Variants in GOT2 observed in about 807,000 individuals in gnomAD.
GOT2 encodes glutamic-oxaloacetic transaminase 2, also known as aspartate aminotransferase, mitochondrial.
GOT2 carries 17 observed loss-of-function variants against 50.0 expected under a neutral mutation model. That is an observed-to-expected ratio of 0.34 (90% CI 0.23 to 0.51). The LOEUF (loss-of-function observed/expected upper bound fraction) is 0.51. GOT2 is among the 20% of genes least tolerant of loss of function. The probability of loss-of-function intolerance (pLI) is 0.97; values close to 1 mark genes in which losing one functional copy is unlikely to be tolerated. For missense variants in GOT2, 430 were observed against 559.6 expected (o/e 0.77, Z 2.34); for synonymous variants, 172 against 204.9 (o/e 0.84, Z 1.37).
chr16:58,725,110 TTC>T (rs1396484885), intron 1 of GOT2, among the ~76,000 whole-genome samples: 5 of 71,846 alleles, frequency 7.0e-5, no homozygotes, highest in South Asian at 3.8e-4. Flanking sequence ...ATTTCTTTCT[TTC>T]TTTTTTTTTT....
chr16:58,720,459 A>G (rs1193046551), intron 3 of GOT2, among the ~76,000 whole-genome samples: 3 of 152,200 alleles, frequency 2.0e-5, no homozygotes, highest in Non-Finnish European at 4.4e-5. Flanking sequence ...TAGTAGATTA[A>G]AGAGGGAAAA....
At chr16:58,727,367 G>T (rs1016747141) in intron 1 of GOT2, among the ~76,000 whole-genome samples, 19 of 148,102 alleles carry the variant, frequency 1.3e-4, no homozygotes, top group Non-Finnish European at 2.2e-4. Flanking sequence ...AATATAAAAG[G>T]TTTTTTTTTT....
intron 6 of GOT2, among the ~76,000 whole-genome samples, chr16:58,717,315 TGCTGTGA>T (rs1276501602): frequency 6.6e-6 from 1 of 151,820 alleles, no homozygotes; most frequent in African/African-American, 2.4e-5. Context: ...AGGTAGAGGC[TGCTGTGA>T]GCTGTGACTG....
chr16:58,710,717 TA>T (rs1458696359), intron 8 of GOT2, among the ~76,000 whole-genome samples: 7 of 54,836 alleles, frequency 1.3e-4, no homozygotes, highest in Admixed American at 8.5e-4. Context: ...CCGTCTCTAC[TA>T]AAAATACAAA....
chr16:58,719,320 C>T, intron 3 of GOT2, 65 bp from the exon 4 acceptor site: 1 of 1,101,346 alleles, frequency 9.1e-7, no homozygotes, highest in Admixed American at 1.7e-5. Flanking sequence ...GACCCAGGGC[C>T]ACTGCTTTGT....
chr16:58,719,134 A>G, intron 4 of GOT2, 62 bp downstream of exon 4: 1 of 1,179,212 alleles, frequency 8.5e-7, no homozygotes, highest in Non-Finnish European at 1.3e-6. Flanking sequence ...AAATACACAC[A>G]CAACAGGAAG....
At chr16:58,732,478 A>T (rs949211308) in intron 1 of GOT2, among the ~76,000 whole-genome samples, 17 of 152,176 alleles carry the variant, frequency 1.1e-4, no homozygotes, top group African/African-American at 3.4e-4. Flanking sequence ...CTAAGATACA[A>T]CATTAAAATG....
In GOT2 at chr16:58,728,933, C is replaced by G. The variant is rs536259964; in HGVS notation, c.90-5031G>C. 1.1e-3 allele frequency among the ~76,000 whole-genome samples: 169 copies of G among 152,168 alleles called. 1 individual carries two copies. The highest frequency in any genetic ancestry group is 6.8e-3 in the Middle Eastern group (2 of 294). On this transcript the variant is annotated intron_variant, in intron 1 of 9. Transcript: ENST00000245206. ...AACCCCTGACCTCAAGTGATCTGCC[C>G]GCCTCAGCCTCCCAAAGTGCTGGGA...
At position 58,716,559 on chromosome 16, in the gene GOT2, G is replaced by GACAC. The variant is rs3075037; in HGVS notation, c.853+100_853+103dup. ...GTAGGGAGGGACATGGACATGGATG[G>GACAC]ACACACACACACACACACACACACA... On this transcript the variant is annotated intron_variant, in intron 7 of 9. Coordinates refer to ENST00000245206, the MANE Select transcript of GOT2 (RefSeq NM_002080.4). The GACAC allele has an allele frequency of 2.5e-3, 1,825 of 725,044 alleles. 5 individuals carry two copies. Among genetic ancestry groups the GACAC allele is most frequent in the African/African-American group, 0.015 (827 of 56,472 alleles). 44.9% of individuals were successfully genotyped at this position (725,044 alleles called of 1,614,324 possible). A position where few individuals can be genotyped will look rare whatever the true frequency, so the allele number is the denominator to read the frequency against.
intron 8 of GOT2, among the ~76,000 whole-genome samples, chr16:58,715,486 G>A (rs1038268622): frequency 3.3e-5 from 5 of 151,984 alleles, no homozygotes; most frequent in African/African-American, 1.2e-4. Context: ...CAGTGAGTTA[G>A]GATTGCAACA....
intron 8 of GOT2, 57 bp from the exon 9 acceptor site, chr16:58,709,624 G>C (rs2044630686): frequency 1.3e-6 from 2 of 1,483,750 alleles, no homozygotes; most frequent in Non-Finnish European, 1.9e-6. Flanking sequence ...CGATATGCTG[G>C]AGTTCACTGC....
At chr16:58,712,680 AT>A (rs1217419800) in intron 8 of GOT2, among the ~76,000 whole-genome samples, 4 of 152,260 alleles carry the variant, frequency 2.6e-5, no homozygotes, top group Non-Finnish European at 2.9e-5. Flanking sequence ...ATTAAAAAAA[AT>A]CTTCATAACC....
intron 8 of GOT2, among the ~76,000 whole-genome samples, chr16:58,713,603 T>TGACTAGG (rs2152094121): frequency 6.6e-6 from 1 of 152,332 alleles, no homozygotes; most frequent in Non-Finnish European, 1.5e-5. Context: ...TGTCACATGA[T>TGACTAGG]GACTAGGGGA....
At chr16:58,716,486 T>C (rs2044693749) in intron 7 of GOT2, 177 bp downstream of exon 7, 3 of 644,076 alleles carry the variant, frequency 4.7e-6, no homozygotes, top group Non-Finnish European at 7.8e-6. Flanking sequence ...GAAGAATATA[T>C]GGCTAAGAAA....
chr16:58,730,757 G>C (rs1464743140), intron 1 of GOT2, among the ~76,000 whole-genome samples: 2 of 152,138 alleles, frequency 1.3e-5, no homozygotes, highest in African/African-American at 4.8e-5. Flanking sequence ...AAATGGTAAA[G>C]ACTACACACA....
chr16:58,708,015 T>C lies in GOT2; in HGVS notation c.*156A>G. The stretch of plus-strand genomic sequence containing the variant: ...CTCTGCCCTGTGTCACTACATGTTC[T>C]TTTCTGAGAAACATTCAAATGCTGA... On this transcript the variant is annotated 3_prime_UTR_variant, in exon 10 of 10. Transcript: ENST00000245206. 1.4e-6 allele frequency: 1 copy of C among 690,060 alleles called. No homozygotes were observed. Among genetic ancestry groups the C allele is most frequent in the Non-Finnish European group, 2.3e-6 (1 of 434,876 alleles). The allele number at this position is 690,060 out of a possible 1,614,324, so 42.7% of individuals were successfully genotyped here. A position where few individuals can be genotyped will look rare whatever the true frequency, so the allele number is the denominator to read the frequency against.
intron 8 of GOT2, among the ~76,000 whole-genome samples, chr16:58,712,528 C>CAAG (rs35125089): frequency 1.3e-5 from 2 of 151,690 alleles, no homozygotes; most frequent in Non-Finnish European, 2.9e-5. Flanking sequence ...ACAAGAACAA[C>CAAG]AACAACAACA....
At chr16:58,715,140 T>G (rs990013827) in intron 8 of GOT2, among the ~76,000 whole-genome samples, 1 of 151,956 alleles carries the variant, frequency 6.6e-6, no homozygotes, top group African/African-American at 2.4e-5. Flanking sequence ...GCCCAGGAGT[T>G]TGAGGAGACC....
Position 58,716,770 on chromosome 16 carries a change from A to C in GOT2, c.746T>G (p.Phe249Cys). ...FAFFDMAYQGFASGDGDKDAW... is the reference protein window; with the variant it reads ...FAFFDMAYQGCASGDGDKDAW... Reference sequence around the variant, plus strand: ...ATCCTTATCACCATCACCACTGGCAAAGCCTTGGTAGGCCATGTCAAAGAA... The same window carrying C: ...ATCCTTATCACCATCACCACTGGCACAGCCTTGGTAGGCCATGTCAAAGAA... The change falls in exon 7 of 10, where the codon TTT (phenylalanine) becomes TGT (cysteine). Residue 249 changes from phenylalanine (F) to cysteine (C), a missense_variant. By Grantham distance (205) the Phe-to-Cys change is radical. Transcript: ENST00000245206. The C allele has an allele frequency of 6.2e-7, 1 of 1,613,900 alleles. No homozygotes were observed. The highest frequency in any genetic ancestry group is 8.5e-7 in the Non-Finnish European group (1 of 1,179,738).
Sources: allele counts gnomAD v4.1 joint callset (sites outside exome capture counted in the v4.1 genomes callset), GRCh38; gene constraint gnomAD v4.1.1; transcripts MANE v1.5; gene names NCBI Gene and HGNC (gene_info 2026-07-23, HGNC 2026-07-21).